UBE2H: variants seen among roughly 807,000 people sequenced by gnomAD.
UBE2H encodes ubiquitin-conjugating enzyme E2 H.
In UBE2H, 3 loss-of-function variants were observed where a neutral mutation model predicts 29.0. That is an observed-to-expected ratio of 0.10 (90% CI 0.05 to 0.27). UBE2H has a LOEUF of 0.27. UBE2H is among the 10% of genes least tolerant of loss of function. UBE2H has a pLI of 1.00. For synonymous variants in UBE2H, 69 were observed against 82.9 expected, an observed-to-expected ratio of 0.83 and a Z score of 0.91; for missense variants, 68 against 228.2, an observed-to-expected ratio of 0.30 and a Z score of 4.52.
intron 3 of UBE2H, among the ~76,000 whole-genome samples, chr7:129,871,471 T>G (rs912213721): frequency 1.3e-5 from 2 of 152,172 alleles, no homozygotes; most frequent in African/African-American, 4.8e-5. Flanking sequence ...TCCCAGCACT[T>G]TGGGAGGCCA....
chr7:129,836,177 T>C (rs1376073078), intron 6 of UBE2H, among the ~76,000 whole-genome samples: 2 of 152,226 alleles, frequency 1.3e-5, no homozygotes, highest in Non-Finnish European at 2.9e-5. Flanking sequence ...AATTGAGAAA[T>C]ATTTATTCAA....
intron 1 of UBE2H, among the ~76,000 whole-genome samples, chr7:129,925,723 C>CTA (rs1458442623): frequency 3.3e-5 from 5 of 152,188 alleles, no homozygotes; most frequent in Non-Finnish European, 5.9e-5. Flanking sequence ...TCTCAGCTAG[C>CTA]TCTTAGCCTT....
At chr7:129,871,273 C>T (rs77301506) in intron 3 of UBE2H, among the ~76,000 whole-genome samples, 10,517 of 152,306 alleles carry the variant, frequency 0.069, 470 homozygotes, top group Admixed American at 0.11. Context: ...AGCTGCCAGA[C>T]ATAATTTTTG....
chr7:129,872,027 A>G (rs1009417169), intron 3 of UBE2H, among the ~76,000 whole-genome samples: 8 of 151,950 alleles, frequency 5.3e-5, no homozygotes, highest in African/African-American at 1.7e-4. Flanking sequence ...TTATATATAT[A>G]TATTTTTAGT....
intron 3 of UBE2H, among the ~76,000 whole-genome samples, chr7:129,878,881 A>T (rs868707967): frequency 6.6e-6 from 1 of 150,668 alleles, no homozygotes; most frequent in Non-Finnish European, 1.5e-5. Flanking sequence ...AGCTGGCTTA[A>T]ATTAACTAAA....
chr7:129,842,173 G>A (rs559464902), intron 5 of UBE2H, among the ~76,000 whole-genome samples: 7 of 151,798 alleles, frequency 4.6e-5, no homozygotes, highest in Non-Finnish European at 1.0e-4. Context: ...GCTCACACCT[G>A]TAATCCCAGC....
intron 1 of UBE2H, among the ~76,000 whole-genome samples, chr7:129,940,384 T>C (rs1233627030): frequency 6.6e-6 from 1 of 152,176 alleles, no homozygotes; most frequent in African/African-American, 2.4e-5. Flanking sequence ...ATCCTAAATA[T>C]GGATCCTCCA....
At chr7:129,887,927 C>CT (rs969077606) in intron 1 of UBE2H, among the ~76,000 whole-genome samples, 1 of 152,062 alleles carries the variant, frequency 6.6e-6, no homozygotes, top group Non-Finnish European at 1.5e-5. Flanking sequence ...AAACCAAAGA[C>CT]TTTACATTGA....
At chr7:129,931,502 A>G (rs1054920657) in intron 1 of UBE2H, among the ~76,000 whole-genome samples, 1 of 152,148 alleles carries the variant, frequency 6.6e-6, no homozygotes, top group African/African-American at 2.4e-5. Flanking sequence ...GCATATAAAT[A>G]TAAATCATCT....
intron 5 of UBE2H, among the ~76,000 whole-genome samples, chr7:129,852,425 C>A (rs1805627111): frequency 6.6e-6 from 1 of 151,892 alleles, no homozygotes; most frequent in Non-Finnish European, 1.5e-5. Context: ...TGAGATCGTG[C>A]CACTGCACTC....
intron 5 of UBE2H, among the ~76,000 whole-genome samples, chr7:129,846,355 TA>T (rs1475431613): frequency 0.014 from 77 of 5,596 alleles, 1 homozygote; most frequent in African/African-American, 0.034. Context: ...AAAATAATAA[TA>T]ATAATAATAA....
Position 129,928,792 on chromosome 7 carries a change from A to G in UBE2H, c.53+23711T>C, listed in dbSNP as rs189190281. 2.0e-5 allele frequency among the ~76,000 whole-genome samples: 3 copies of G among 152,252 alleles called. No homozygotes were observed. In the East Asian group the frequency reaches 5.8e-4, roughly 29 times the overall value. On this transcript the variant is annotated intron_variant, in intron 1 of 6. Coordinates refer to ENST00000355621, the MANE Select transcript of UBE2H (RefSeq NM_003344.4). The stretch of plus-strand genomic sequence containing the variant: ...AAATATGTCAATTAAAACTAAATAT[A>G]TATATACATATATAAAGAGGAGAAA...
chr7:129,831,587 T>C lies in UBE2H; in HGVS notation c.*3350A>G, dbSNP rs770093401. 1.3e-5 allele frequency: 2 copies of C among 152,190 alleles called. No individual in the cohort carries two copies. Among genetic ancestry groups the C allele is most frequent in the Admixed American group, 1.3e-4 (2 of 15,278 alleles). 9.4% of individuals were successfully genotyped at this position (152,190 alleles called of 1,614,324 possible). The stretch of plus-strand genomic sequence containing the variant: ...AGCCAGCTGGCAGTCAGAACAGCTT[T>C]TGAAGTGGATGAGAAATGTTAGGTA... On this transcript the variant is annotated 3_prime_UTR_variant, in exon 7 of 7. Coordinates refer to ENST00000355621, the MANE Select transcript of UBE2H (RefSeq NM_003344.4).
intron 1 of UBE2H, among the ~76,000 whole-genome samples, chr7:129,925,209 G>A (rs1285236215): frequency 3.9e-5 from 6 of 152,092 alleles, no homozygotes; most frequent in East Asian, 1.9e-4. Flanking sequence ...TTAGCTGGGC[G>A]TAGTGGCGAG....
intron 3 of UBE2H, among the ~76,000 whole-genome samples, chr7:129,874,694 A>G (rs1806111890): frequency 6.6e-6 from 1 of 152,076 alleles, no homozygotes; most frequent in Non-Finnish European, 1.5e-5. Flanking sequence ...TATTAGCTCT[A>G]AAGAGGGGCA....
At chr7:129,944,219 G>C (rs1354519823) in intron 1 of UBE2H, among the ~76,000 whole-genome samples, 4 of 152,104 alleles carry the variant, frequency 2.6e-5, no homozygotes, top group Admixed American at 2.0e-4. Context: ...AGCCAGGCTT[G>C]GTGGCGGGTG....
rs552768464 is a variant in UBE2H, at chr7:129,951,806, G to A, written c.53+697C>T. Among the ~76,000 whole-genome samples, 7 of 152,264 alleles carry A rather than the reference G, an allele frequency of 4.6e-5. 1 individual carries two copies. In the East Asian group the frequency reaches 1.4e-3, roughly 29 times the overall value. The stretch of plus-strand genomic sequence containing the variant: ...CCCCAGCTGTCATACCCACAATATG[G>A]AGGGTGGCTTGCTGGAGGGCCCGGG... On this transcript the variant is annotated intron_variant, in intron 1 of 6. Transcript: ENST00000355621.
At position 129,858,892 on chromosome 7, in the gene UBE2H, A is replaced by T; in HGVS notation, c.245+10T>A. The T allele has an allele frequency of 6.2e-7, 1 of 1,607,732 alleles. No homozygotes were observed. The highest frequency in any genetic ancestry group is 8.5e-7 in the Non-Finnish European group (1 of 1,175,612). On this transcript the variant is annotated intron_variant, in intron 4 of 6. Transcript: ENST00000355621. ...TGCTAAAATTGAAACATTTTAAAAT[A>T]GTTACTTACGCTTCATCAATGTTGG...
chr7:129,839,361 A>C, intron 5 of UBE2H, 26 bp from the exon 6 acceptor site: 2 of 1,610,644 alleles, frequency 1.2e-6, no homozygotes, highest in East Asian at 4.5e-5. Flanking sequence ...AACATGTCAC[A>C]CATGGGAAAT....
Sources: gnomAD v4.1 joint callset for allele counts (sites outside exome capture counted in the v4.1 genomes callset) on GRCh38, gnomAD v4.1.1 for gene constraint, MANE v1.5 for transcripts, NCBI Gene and HGNC (gene_info 2026-07-23, HGNC 2026-07-21) for gene names.